Variants in SYT14 observed in about 807,000 individuals in gnomAD.
SYT14 encodes the protein synaptotagmin-14.
SYT14 carries 32 observed loss-of-function variants against 74.2 expected under a neutral mutation model. That is an observed-to-expected ratio of 0.43 (90% CI 0.33 to 0.58). The LOEUF (loss-of-function observed/expected upper bound fraction) is 0.58. Ranked by LOEUF, SYT14 falls within the 20% of genes least tolerant of loss-of-function variation. The pLI is 0.05. For synonymous variants in SYT14, 298 were observed against 337.7 expected (o/e 0.88, Z 1.29); for missense variants, 791 against 981.8 (o/e 0.81, Z 2.60).
chr1:209,976,273 C>G lies in SYT14; in HGVS notation c.-486+23517C>G, dbSNP rs886329007. ...TTTGAATGTGTTTGCTCTTGCTTCT[C>G]TAGTTCTTTTAATTGTGATGTTAGG... On this transcript the variant is annotated intron_variant, in intron 2 of 9. Transcript: ENST00000637265. Among the ~76,000 whole-genome samples the G allele has an allele frequency of 1.1e-3, 159 of 148,032 alleles. 1 individual carries two copies. The highest frequency in any genetic ancestry group is 3.7e-3 in the African/African-American group (147 of 39,870).
chr1:209,994,450 T>C (rs1413139371), intron 2 of SYT14, among the ~76,000 whole-genome samples: 1 of 152,112 alleles, frequency 6.6e-6, no homozygotes, highest in Non-Finnish European at 1.5e-5. Context: ...GAAAAAAGAA[T>C]TTTTTAAAAC....
At chr1:209,990,637 T>C (rs2102839444) in intron 2 of SYT14, among the ~76,000 whole-genome samples, 1 of 141,378 alleles carries the variant, frequency 7.1e-6, no homozygotes, top group South Asian at 2.3e-4. Context: ...ATAATACTTG[T>C]TATTTATCAA....
chr1:210,016,761 A>G, exon 4 of SYT14: 1 of 1,231,876 alleles, frequency 8.1e-7, no homozygotes, highest in Non-Finnish European at 1.0e-6. Context: ...CATCTTCCCG[A>G]TTTAGGGCAT....
chr1:210,155,444 G>A (rs747343868), intron 7 of SYT14, among the ~76,000 whole-genome samples: 44 of 152,104 alleles, frequency 2.9e-4, no homozygotes, highest in African/African-American at 1.0e-3. Context: ...CAGTTTATTA[G>A]CATCTATAAG....
chr1:209,949,731 A>G (rs2078882085), intron 1 of SYT14, among the ~76,000 whole-genome samples: 1 of 152,170 alleles, frequency 6.6e-6, no homozygotes, highest in Admixed American at 6.5e-5. Flanking sequence ...TTTCATAAGA[A>G]TAGTGATTGC....
At chr1:210,139,096 T>A (rs972683641) in intron 7 of SYT14, among the ~76,000 whole-genome samples, 5 of 151,396 alleles carry the variant, frequency 3.3e-5, no homozygotes, top group Non-Finnish European at 5.9e-5. Flanking sequence ...TTTTATTTTT[T>A]TTTTTTTTGA....
intron 5 of SYT14, among the ~76,000 whole-genome samples, chr1:210,083,256 A>C (rs1411847815): frequency 6.6e-6 from 1 of 152,110 alleles, no homozygotes; most frequent in Non-Finnish European, 1.5e-5. Context: ...CCTCCCAGAG[A>C]GCTGGGATAC....
At chr1:210,041,770 T>G (rs943064889) in intron 5 of SYT14, among the ~76,000 whole-genome samples, 1 of 152,050 alleles carries the variant, frequency 6.6e-6, no homozygotes, top group Non-Finnish European at 1.5e-5. Flanking sequence ...CAGAATACTC[T>G]TACAAGTTAG....
chr1:210,167,438 T>C (rs1025292762), exon 10 of SYT14: 1 of 152,256 alleles, frequency 6.6e-6, no homozygotes, highest in Non-Finnish European at 1.5e-5. Flanking sequence ...GGACCTTCTC[T>C]TTCTCTCAGA....
intron 4 of SYT14, among the ~76,000 whole-genome samples, chr1:210,020,580 C>T (rs557279657): frequency 2.0e-5 from 3 of 152,236 alleles, no homozygotes; most frequent in East Asian, 1.9e-4. Flanking sequence ...TTGACCAAAA[C>T]GAGAACCAGA....
intron 7 of SYT14, among the ~76,000 whole-genome samples, chr1:210,133,729 A>C (rs114215242): frequency 0.015 from 2,240 of 152,190 alleles, 71 homozygotes; most frequent in African/African-American, 0.052. Context: ...ATTTGTAAGA[A>C]TCCTAGAGCT....
At chr1:210,168,922 T>C (rs1010591028) in exon 10 of SYT14, 3 of 152,142 alleles carry the variant, frequency 2.0e-5, no homozygotes, top group East Asian at 3.8e-4. Flanking sequence ...AACCCTGAAA[T>C]AGGACGGCCG....
At chr1:210,016,745 T>C (rs2080191813) in exon 4 of SYT14, 1 of 1,231,716 alleles carries the variant, frequency 8.1e-7, no homozygotes, top group South Asian at 4.1e-5. Context: ...TTTCAATAAA[T>C]GTAAACATCT....
intron 1 of SYT14, among the ~76,000 whole-genome samples, chr1:209,950,966 A>C (rs2078902607): frequency 6.6e-6 from 1 of 152,232 alleles, no homozygotes; most frequent in Non-Finnish European, 1.5e-5. Flanking sequence ...AAATATGTCT[A>C]CATGGTAGTA....
At chr1:210,071,368 G>T (rs896602991) in intron 5 of SYT14, among the ~76,000 whole-genome samples, 13 of 120,882 alleles carry the variant, frequency 1.1e-4, no homozygotes, top group African/African-American at 3.6e-4. Context: ...TTTCTACATT[G>T]TAATACATAT....
At chr1:209,972,950 G>A (rs781524803) in intron 2 of SYT14, among the ~76,000 whole-genome samples, 60 of 152,210 alleles carry the variant, frequency 3.9e-4, no homozygotes, top group Non-Finnish European at 5.7e-4. Context: ...GTGGGGTATC[G>A]AAGTCCCTCA....
intron 4 of SYT14, among the ~76,000 whole-genome samples, chr1:210,019,770 A>G (rs1003468569): frequency 6.6e-6 from 1 of 152,208 alleles, no homozygotes; most frequent in Non-Finnish European, 1.5e-5. Flanking sequence ...ATAAAGAGAA[A>G]AATAACCAGA....
At chr1:210,125,604 G>A (rs182041586) in intron 7 of SYT14, among the ~76,000 whole-genome samples, 1 of 152,250 alleles carries the variant, frequency 6.6e-6, no homozygotes, top group Admixed American at 6.5e-5. Flanking sequence ...CATTTCTGCA[G>A]AACTAGCCTA....
At chr1:210,162,421 A>G in exon 10 of SYT14, 2 of 390,624 alleles carry the variant, frequency 5.1e-6, no homozygotes, top group South Asian at 2.0e-5. Flanking sequence ...TTGTTTTTAT[A>G]TTTAGGAACT....
Sources: allele counts gnomAD v4.1 joint callset (sites outside exome capture counted in the v4.1 genomes callset), GRCh38; gene constraint gnomAD v4.1.1; transcripts MANE v1.5; gene names NCBI Gene and HGNC (gene_info 2026-07-23, HGNC 2026-07-21).